PPARGC1A: variants seen among roughly 807,000 people sequenced by gnomAD.
The protein encoded by PPARGC1A is PPARG coactivator 1 alpha, also known as peroxisome proliferator-activated receptor gamma coactivator 1-alpha.
Under a neutral mutation model 88.7 loss-of-function variants are expected in PPARGC1A, and 25 were observed. That is an observed-to-expected ratio of 0.28 (90% CI 0.21 to 0.39). PPARGC1A has a LOEUF of 0.39. Ranked by LOEUF, PPARGC1A falls within the 10% of genes least tolerant of loss-of-function variation. The pLI is 1.00. For synonymous variants in PPARGC1A, 363 were observed against 355.6 expected, an observed-to-expected ratio of 1.02 and a Z score of -0.24; for missense variants, 880 against 968.7, an observed-to-expected ratio of 0.91 and a Z score of 1.22.
the PPARGC1A span, among the ~76,000 whole-genome samples, chr4:24,224,870 T>C: frequency 6.6e-6 from 1 of 152,084 alleles, no homozygotes; most frequent in Admixed American, 6.5e-5. Context: ...AAGGTGATGT[T>C]TGTGAAAAGA....
the PPARGC1A span, among the ~76,000 whole-genome samples, chr4:24,319,930 G>T: frequency 1.3e-5 from 2 of 151,902 alleles, no homozygotes; most frequent in Admixed American, 6.6e-5. Context: ...CAAAAAGCTG[G>T]CTCATTAAAA....
At chr4:23,839,921 C>A (rs554408304) in intron 2 of PPARGC1A, among the ~76,000 whole-genome samples, 2 of 152,056 alleles carry the variant, frequency 1.3e-5, no homozygotes, top group African/African-American at 4.8e-5. Context: ...GTCATCTCCC[C>A]CGAGGTCCCT....
At chr4:24,175,929 T>C in the PPARGC1A span, among the ~76,000 whole-genome samples, 1,059 of 152,116 alleles carry the variant, frequency 7.0e-3, 8 homozygotes, top group Middle Eastern at 0.024. Context: ...TTTCGAAGCT[T>C]AGCAGCCCTG....
chr4:24,062,983 C>G, the PPARGC1A span, among the ~76,000 whole-genome samples: 1 of 152,186 alleles, frequency 6.6e-6, no homozygotes, highest in African/African-American at 2.4e-5. Context: ...AATTCCTAAC[C>G]TGTAAACGAT....
At chr4:23,950,454 A>T in the PPARGC1A span, among the ~76,000 whole-genome samples, 1 of 152,268 alleles carries the variant, frequency 6.6e-6, no homozygotes, top group African/African-American at 2.4e-5. Flanking sequence ...GCATCGGTCG[A>T]TGCAAGTAAA....
At chr4:24,313,604 A>C in the PPARGC1A span, among the ~76,000 whole-genome samples, 3 of 152,336 alleles carry the variant, frequency 2.0e-5, no homozygotes, top group East Asian at 5.8e-4. Flanking sequence ...AACCCAACAG[A>C]CTGGTTGATC....
chr4:24,350,989 T>G, the PPARGC1A span, among the ~76,000 whole-genome samples: 1 of 133,174 alleles, frequency 7.5e-6, no homozygotes, highest in Non-Finnish European at 1.6e-5. Context: ...TTTTTTTTTT[T>G]AATTACCTGG....
rs138055487 is a variant in PPARGC1A at position 23,795,291 on chromosome 4, T to TTATATATA, written c.*523_*530dup. ...TTGTTAGTTTTCTTTCCTTTTTAATTTATATATATATATATATATATATAT... is the reference window on the plus strand; with the variant it reads ...TTGTTAGTTTTCTTTCCTTTTTAATTTATATATATATATATATATATATATATATATAT... On this transcript the variant is annotated 3_prime_UTR_variant, in exon 13 of 13. Coordinates refer to ENST00000264867, the MANE Select transcript of PPARGC1A (RefSeq NM_013261.5). The TTATATATA allele has an allele frequency of 6.4e-4, 17 of 26,614 alleles. No individual in the cohort carries two copies. The highest frequency in any genetic ancestry group is 1.6e-3 in the African/African-American group (7 of 4,428). The allele number at this position is 26,614 out of a possible 1,614,324, so 1.6% of individuals were successfully genotyped here. A position where few individuals can be genotyped will look rare whatever the true frequency, so the allele number is the denominator to read the frequency against.
At chr4:24,280,952 C>G in the PPARGC1A span, among the ~76,000 whole-genome samples, 1 of 152,176 alleles carries the variant, frequency 6.6e-6, no homozygotes, top group South Asian at 2.1e-4. Context: ...ACTGAATCAA[C>G]CAACCAAAGC....
chr4:24,059,497 T>C, the PPARGC1A span, among the ~76,000 whole-genome samples: 3 of 152,278 alleles, frequency 2.0e-5, no homozygotes, highest in African/African-American at 7.2e-5. Flanking sequence ...TGGCAATTCA[T>C]CCTAATGAAA....
chr4:24,030,802 G>T, the PPARGC1A span, among the ~76,000 whole-genome samples: 3 of 152,150 alleles, frequency 2.0e-5, no homozygotes, highest in African/African-American at 7.2e-5. Flanking sequence ...GAAGGTGGAA[G>T]AGAAAAGACG....
At chr4:24,117,541 C>T in the PPARGC1A span, among the ~76,000 whole-genome samples, 2 of 151,182 alleles carry the variant, frequency 1.3e-5, no homozygotes, top group Non-Finnish European at 2.9e-5. Context: ...GCAGTTTTGT[C>T]TCTCTTGCCC....
At chr4:24,147,495 G>A in the PPARGC1A span, among the ~76,000 whole-genome samples, 1 of 152,096 alleles carries the variant, frequency 6.6e-6, no homozygotes, top group South Asian at 2.1e-4. Context: ...CCTGCCCACA[G>A]CCCCTTCTGA....
chr4:24,011,592 T>A, the PPARGC1A span, among the ~76,000 whole-genome samples: 129 of 152,298 alleles, frequency 8.5e-4, no homozygotes, highest in South Asian at 8.3e-4. Context: ...GTGTTCACAA[T>A]GTCCTAGATT....
the PPARGC1A span, among the ~76,000 whole-genome samples, chr4:24,312,161 A>G: frequency 6.6e-6 from 1 of 152,202 alleles, no homozygotes; most frequent in Non-Finnish European, 1.5e-5. Flanking sequence ...ACTCTTGCCC[A>G]GTAATGACAT....
chr4:23,971,553 G>A, the PPARGC1A span, among the ~76,000 whole-genome samples: 144 of 152,288 alleles, frequency 9.5e-4, no homozygotes, highest in African/African-American at 3.3e-3. Context: ...CTTAGAGTCC[G>A]ATGTTTGAGG....
At chr4:23,967,452 C>T in the PPARGC1A span, among the ~76,000 whole-genome samples, 10 of 152,234 alleles carry the variant, frequency 6.6e-5, no homozygotes, top group Admixed American at 1.3e-4. Context: ...GTAAAGCAGA[C>T]GCATGCAGAC....
the PPARGC1A span, among the ~76,000 whole-genome samples, chr4:24,066,519 T>C: frequency 6.6e-6 from 1 of 152,158 alleles, no homozygotes; most frequent in African/African-American, 2.4e-5. Context: ...ACTCTAGATA[T>C]AAATGTCACA....
chr4:24,147,744 C>T, the PPARGC1A span, among the ~76,000 whole-genome samples: 2 of 151,962 alleles, frequency 1.3e-5, no homozygotes, highest in Non-Finnish European at 2.9e-5. Flanking sequence ...TCACATTGGT[C>T]AATGAATGAG....
Sources: allele counts gnomAD v4.1 joint callset (sites outside exome capture counted in the v4.1 genomes callset), GRCh38; gene constraint gnomAD v4.1.1; transcripts MANE v1.5; gene names NCBI Gene and HGNC (gene_info 2026-07-23, HGNC 2026-07-21).